The following DLG5 variants were observed in gnomAD, a reference collection of about 807,000 sequenced individuals.
The protein encoded by DLG5 is disks large homolog 5.
In DLG5, 48 loss-of-function variants were observed where a neutral mutation model predicts 189.8. That is an observed-to-expected ratio of 0.25 (90% confidence interval 0.20 to 0.32). The LOEUF is 0.32. Ranked by LOEUF, DLG5 falls within the 10% of genes least tolerant of loss-of-function variation. The pLI is 1.00. For synonymous variants in DLG5, 1,016 were observed against 1,054.1 expected (o/e 0.96, Z 0.70); for missense variants, 2,160 against 2,544.7 (o/e 0.85, Z 3.25).
chr10:77,866,081 C>A (rs1041333334), intron 2 of DLG5, among the ~76,000 whole-genome samples: 5 of 152,186 alleles, frequency 3.3e-5, no homozygotes, highest in Non-Finnish European at 7.4e-5. Flanking sequence ...ACCTTACCAG[C>A]GGCCCCTCCT....
At chr10:77,888,819 G>A (rs1845521558) in intron 1 of DLG5, among the ~76,000 whole-genome samples, 1 of 152,202 alleles carries the variant, frequency 6.6e-6, no homozygotes, top group East Asian at 1.9e-4. Flanking sequence ...CTTTTAAGAT[G>A]TGTGGTCTTT....
Position 77,829,340 on chromosome 10 carries a change from T to G in DLG5, c.2185+15A>C. On this transcript the variant is annotated intron_variant, in intron 12 of 31. Transcript: ENST00000372391. The stretch of plus-strand genomic sequence containing the variant: ...AGCCACCTGAGGCACTCTGCCATGT[T>G]CACAGGCCCGCTACCTTTCTGTCCA... 6.2e-7 allele frequency: 1 copy of G among 1,613,192 alleles called. No individual in the cohort carries two copies. Among genetic ancestry groups the G allele is most frequent in the Non-Finnish European group, 8.5e-7 (1 of 1,180,014 alleles).
chr10:77,794,105 GTC>G lies in DLG5; in HGVS notation c.5557_5558del (p.Asp1853ProfsTer18). On this transcript the variant is annotated frameshift_variant, in exon 31 of 32. Coordinates refer to ENST00000372391, the MANE Select transcript of DLG5 (RefSeq NM_004747.4). LOFTEE classifies it high-confidence loss of function. Reference sequence around the variant, plus strand: ...TCACCTTGTCCCTCAGGTAGATGGGGTCTCTCTGCTCCCTGTGGGGACAGCCA... The same window carrying G: ...TCACCTTGTCCCTCAGGTAGATGGGGTCTCTGCTCCCTGTGGGGACAGCCA... Reference protein sequence around the residue: ...KSAKHIKEQRDPIYLRDKVTQ... With the variant: ...KSAKHIKEQRXPIYLRDKVTQ... The G allele has an allele frequency of 1.2e-6, 2 of 1,614,090 alleles. No individual in the cohort carries two copies. Among genetic ancestry groups the G allele is most frequent in the Non-Finnish European group, 1.7e-6 (2 of 1,179,984 alleles).
intron 9 of DLG5, among the ~76,000 whole-genome samples, chr10:77,832,550 A>C (rs2154576003): frequency 6.6e-6 from 1 of 152,350 alleles, no homozygotes; most frequent in Non-Finnish European, 1.5e-5. Context: ...AGCTGAGCTC[A>C]GCATTCATTG....
At chr10:77,887,488 T>C (rs868275781) in intron 1 of DLG5, among the ~76,000 whole-genome samples, 26 of 152,288 alleles carry the variant, frequency 1.7e-4, no homozygotes, top group Middle Eastern at 3.4e-3. Flanking sequence ...TTTTATTTTT[T>C]AAATAAGCAC....
At chr10:77,896,669 T>C (rs1006962862) in intron 1 of DLG5, among the ~76,000 whole-genome samples, 3 of 151,778 alleles carry the variant, frequency 2.0e-5, no homozygotes, top group Admixed American at 2.0e-4. Context: ...GGTGAAACCC[T>C]GTTTCTACTA....
chr10:77,835,821 G>A lies in DLG5; in HGVS notation c.1539C>T (p.Leu513=). 1 of 1,614,070 alleles carries A rather than the reference G, an allele frequency of 6.2e-7. No homozygotes were observed. Residue 513 remains leucine (L), a synonymous_variant, in exon 8 of 32, where the codon CTC becomes CTT. Transcript: ENST00000372391. ...KALCQELKEA[L]QEADVAKCRR... ...GGCACTTGGCCACATCCGCCTCCTG[G>A]AGGGCTTCCTTCAGCTCCTGGCACA...
At position 77,843,534 on chromosome 10, in the gene DLG5, T is replaced by C; in HGVS notation, c.1037A>G (p.Gln346Arg). Residue 346 changes from glutamine to arginine, a missense_variant, in exon 6 of 32, where the codon CAG becomes CGG. Gln to Arg is a conservative substitution (Grantham distance 43, BLOSUM62 1). Coordinates refer to ENST00000372391, the MANE Select transcript of DLG5 (RefSeq NM_004747.4). ...SRLEQLGEEN[Q>R]RLLKQTEMLT... ...CATCTCTGTCTGCTTCAGCAACCGC[T>C]GGTTCTCCTCCCCCAGCTGCTCCAG... 2 of 1,614,178 alleles carry C rather than the reference T, an allele frequency of 1.2e-6. No homozygotes were observed. The highest frequency in any genetic ancestry group is 1.7e-6 in the Non-Finnish European group (2 of 1,180,032).
At chr10:77,879,138 T>TG (rs1845196396) in intron 1 of DLG5, among the ~76,000 whole-genome samples, 2 of 151,856 alleles carry the variant, frequency 1.3e-5, no homozygotes, top group Admixed American at 1.3e-4. Context: ...TGGTAGGTGG[T>TG]GGGGGTGGAG....
At chr10:77,833,802 G>T in intron 9 of DLG5, 112 bp downstream of exon 9, 1 of 1,467,580 alleles carries the variant, frequency 6.8e-7, no homozygotes, top group Non-Finnish European at 9.2e-7. Context: ...CCAGCTCGAC[G>T]CAGAAGGATG....
Position 77,875,561 on chromosome 10 carries a change from C to G in DLG5, c.305-6364G>C, listed in dbSNP as rs552364195. Among the ~76,000 whole-genome samples the G allele has an allele frequency of 2.4e-3, 362 of 152,254 alleles. 2 individuals are homozygous for G. The South Asian group carries it at 0.024, about 10-fold the overall frequency. On this transcript the variant is annotated intron_variant, in intron 1 of 31. Coordinates refer to ENST00000372391, the MANE Select transcript of DLG5 (RefSeq NM_004747.4). ...CCATTCCATACCCATGCCTGTGCTG[C>G]CTGCAGAGGGGAGTCGCAGTGTGTG...
intron 2 of DLG5, among the ~76,000 whole-genome samples, chr10:77,861,749 T>C (rs932493169): frequency 2.0e-5 from 3 of 152,190 alleles, no homozygotes; most frequent in African/African-American, 7.2e-5. Context: ...GGGATTCCCA[T>C]GCACACTCAG....
chr10:77,847,659 C>T lies in DLG5; in HGVS notation c.865-3953G>A, dbSNP rs183603418. Among the ~76,000 whole-genome samples, 98 of 152,170 alleles carry T rather than the reference C, an allele frequency of 6.4e-4. 1 individual carries two copies. Among genetic ancestry groups the T allele is most frequent in the African/African-American group, 2.1e-3 (88 of 41,472 alleles). ...GTATTTCCACATGCACATGCACACA[C>T]GAGTGCGCACACACACACACACACC... On this transcript the variant is annotated intron_variant, in intron 5 of 31. Coordinates refer to ENST00000372391, the MANE Select transcript of DLG5 (RefSeq NM_004747.4).
Position 77,841,867 on chromosome 10 carries a change from G to A in DLG5, c.1437+14C>T, listed in dbSNP as rs1228410104. Reference sequence around the variant, plus strand: ...AGGAGAGGCTGAAAGCCAGCCACCGGCCCACCCACCTACCTGCCGCAGCGC... The same window carrying A: ...AGGAGAGGCTGAAAGCCAGCCACCGACCCACCCACCTACCTGCCGCAGCGC... On this transcript the variant is annotated intron_variant, in intron 7 of 31. Transcript: ENST00000372391. 1 of 1,600,044 alleles carries A rather than the reference G, an allele frequency of 6.2e-7. No individual in the cohort carries two copies. Among genetic ancestry groups the A allele is most frequent in the Non-Finnish European group, 8.5e-7 (1 of 1,171,888 alleles).
chr10:77,802,614 A>G (rs1363412834), intron 27 of DLG5, among the ~76,000 whole-genome samples: 1 of 152,270 alleles, frequency 6.6e-6, no homozygotes, highest in African/African-American at 2.4e-5. Flanking sequence ...GGCCGGGGAC[A>G]GTGCCTTGCG....
chr10:77,882,152 A>G (rs940205938), intron 1 of DLG5, among the ~76,000 whole-genome samples: 46 of 152,230 alleles, frequency 3.0e-4, no homozygotes, highest in African/African-American at 1.1e-3. Context: ...CTGAGTTTGA[A>G]CTCGTCAGGA....
Position 77,890,009 on chromosome 10 carries a change from A to C in DLG5, c.305-20812T>G, listed in dbSNP as rs116285332. On this transcript the variant is annotated intron_variant, in intron 1 of 31. Transcript: ENST00000372391. ...AGTTCCATCTACCCCAGCTGCTCTG[A>C]CCATACCTGAACCACTGTACTCAGC... Among the ~76,000 whole-genome samples the C allele has an allele frequency of 4.6e-3, 694 of 152,264 alleles. 6 individuals are homozygous for C. Among genetic ancestry groups the C allele is most frequent in the African/African-American group, 0.015 (639 of 41,546 alleles).
At chr10:77,823,057 A>G (rs1403140256) in intron 14 of DLG5, among the ~76,000 whole-genome samples, 1 of 152,248 alleles carries the variant, frequency 6.6e-6, no homozygotes, top group Non-Finnish European at 1.5e-5. Context: ...TAAACTATGC[A>G]TTATAGTTAA....
intron 1 of DLG5, among the ~76,000 whole-genome samples, chr10:77,879,849 G>T (rs1200881707): frequency 6.6e-6 from 1 of 151,912 alleles, no homozygotes; most frequent in East Asian, 2.0e-4. Flanking sequence ...TTCCCGCGGG[G>T]CCTGGTCATG....
Sources: allele counts gnomAD v4.1 joint callset (sites outside exome capture counted in the v4.1 genomes callset), GRCh38; gene constraint gnomAD v4.1.1; transcripts MANE v1.5; gene names NCBI Gene and HGNC (gene_info 2026-07-23, HGNC 2026-07-21).